GEMIN7: variants seen among roughly 807,000 people sequenced by gnomAD.
GEMIN7 encodes gem-associated protein 7.
A neutral mutation model predicts 7.8 loss-of-function variants in GEMIN7; 7 were observed. The observed-to-expected ratio is 0.90, with a 90% CI of 0.51 to 1.69. GEMIN7 has a LOEUF of 1.69. Among genes scored for constraint, GEMIN7 ranks in the 40% most tolerant of loss-of-function variants. The pLI, the probability that GEMIN7 is intolerant of heterozygous loss-of-function variation, is 0.00. For missense variants in GEMIN7, 159 were observed against 176.2 expected (o/e 0.90, Z 0.55); for synonymous variants, 68 against 72.4 (o/e 0.94, Z 0.31).
At chr19:45,076,536 A>G (rs1278296515), upstream of GEMIN7, 15 of 471,334 alleles carry the variant, frequency 3.2e-5, no homozygotes, top group African/African-American at 8.2e-5. This position sits in a 1 kb window ranked among gnomAD's most constrained non-coding sequence, Gnocchi z 4.9. Context: ...TCCGCCTACC[A>G]GGGCGGGGCT....
chr19:45,091,344 C>T lies in GEMIN7; in HGVS notation c.*834C>T, dbSNP rs1967885743. On this transcript the variant is annotated 3_prime_UTR_variant, in exon 3 of 3. Transcript: ENST00000270257. ...AACTTCACTCCCTCCTCTTTTCTCT[C>T]CAGCCTTGCAGCGTGGCCGTTCACA... is the stretch of plus-strand genomic sequence containing the variant. The T allele has an allele frequency of 6.0e-6, 1 of 167,184 alleles. No individual in the cohort carries two copies. The highest frequency in any genetic ancestry group is 1.5e-5 in the Non-Finnish European group (1 of 68,148). The allele number at this position is 167,184 out of a possible 1,614,324, so 10.4% of individuals were successfully genotyped here. A position where few individuals can be genotyped will look rare whatever the true frequency, so the allele number is the denominator to read the frequency against.
At chr19:45,080,640 A>G (rs1967468157) in intron 2 of GEMIN7, among the ~76,000 whole-genome samples, 1 of 152,022 alleles carries the variant, frequency 6.6e-6, no homozygotes, top group African/African-American at 2.4e-5. Flanking sequence ...CAGTCTCCCA[A>G]AGTGCTGGGA....
At chr19:45,088,879 T>C (rs1186573995) in intron 2 of GEMIN7, among the ~76,000 whole-genome samples, 1 of 152,198 alleles carries the variant, frequency 6.6e-6, no homozygotes, top group African/African-American at 2.4e-5. Flanking sequence ...AATGAATATC[T>C]TATAAGTCTG....
At chr19:45,076,384 CCGGG>C (rs1967352813), upstream of GEMIN7, 2 of 1,289,680 alleles carry the variant, frequency 1.6e-6, no homozygotes, top group Non-Finnish European at 2.0e-6. This position sits in a 1 kb window ranked among gnomAD's most constrained non-coding sequence, Gnocchi z 4.9. Context: ...GAGTCGCGGG[CCGGG>C]CGAGCGAGCG....
At chr19:45,081,030 G>A (rs1401097072) in intron 2 of GEMIN7, among the ~76,000 whole-genome samples, 1 of 152,220 alleles carries the variant, frequency 6.6e-6, no homozygotes, top group East Asian at 1.9e-4. Flanking sequence ...AGTAGGGCGT[G>A]TTGGCGTGGG....
chr19:45,081,403 T>C (rs968115095), intron 2 of GEMIN7, among the ~76,000 whole-genome samples: 4 of 151,090 alleles, frequency 2.6e-5, no homozygotes, highest in African/African-American at 9.7e-5. Flanking sequence ...TTGCAGTGAG[T>C]TGAGATCATG....
At chr19:45,082,530 A>T (rs2122656729) in intron 2 of GEMIN7, among the ~76,000 whole-genome samples, 1 of 152,308 alleles carries the variant, frequency 6.6e-6, no homozygotes, top group East Asian at 1.9e-4. Context: ...TCTCAGTCCT[A>T]GACGTGTTTC....
In GEMIN7 at chr19:45,090,373, CGT is replaced by C; in HGVS notation, c.263_264del (p.Val88GlyfsTer34). The C allele has an allele frequency of 6.2e-7, 1 of 1,614,138 alleles. No individual in the cohort carries two copies. The highest frequency in any genetic ancestry group is 8.5e-7 in the Non-Finnish European group (1 of 1,180,026). On this transcript the variant is annotated frameshift_variant, in exon 3 of 3. Coordinates refer to ENST00000270257, the MANE Select transcript of GEMIN7 (RefSeq NM_024707.3). LOFTEE classifies it high-confidence loss of function. The stretch of plus-strand genomic sequence containing the variant: ...GAGCTTCACGTTGCACGAGGGTGTG[CGT>C]GTGGCCGCCCACTTTGGAGCCACCG... ...QVSFTLHEGV[R>X]VAAHFGATDL...
chr19:45,082,845 T>C (rs1203611127), intron 2 of GEMIN7, among the ~76,000 whole-genome samples: 1 of 149,952 alleles, frequency 6.7e-6, no homozygotes, highest in African/African-American at 2.5e-5. Context: ...GGTCTTGAAC[T>C]CCTACGCTAA....
At chr19:45,085,069 G>A (rs181285783) in intron 2 of GEMIN7, among the ~76,000 whole-genome samples, 153 of 151,604 alleles carry the variant, frequency 1.0e-3, no homozygotes, top group African/African-American at 3.1e-3. Context: ...CACAGTGCCC[G>A]GCCAACACCC....
At chr19:45,082,992 T>C (rs890652571) in intron 2 of GEMIN7, among the ~76,000 whole-genome samples, 1 of 152,162 alleles carries the variant, frequency 6.6e-6, no homozygotes, top group African/African-American at 2.4e-5. Context: ...TAAGGTTTTG[T>C]TGGAGAACAG....
intron 2 of GEMIN7, among the ~76,000 whole-genome samples, chr19:45,085,820 G>A (rs6509186): frequency 0.55 from 81,047 of 146,344 alleles, 23,242 homozygotes; most frequent in African/African-American, 0.67. Context: ...GGTGGTGTGT[G>A]TCTGTAGTCG....
At chr19:45,076,210 T>TCC (rs964010424), upstream of GEMIN7, 1 of 1,503,218 alleles carries the variant, frequency 6.7e-7, no homozygotes, top group Non-Finnish European at 8.9e-7. This position sits in a 1 kb window ranked among gnomAD's most constrained non-coding sequence, Gnocchi z 4.9. Context: ...CGAGGACACC[T>TCC]CCTTCGGGGA....
At chr19:45,075,997 G>A (rs1967339727), upstream of GEMIN7, 28 of 1,568,606 alleles carry the variant, frequency 1.8e-5, no homozygotes, top group Admixed American at 8.0e-5. Flanking sequence ...GGCAGGGCGA[G>A]GGGCCCATGC....
chr19:45,090,295 G>GC lies in GEMIN7; in HGVS notation c.184dup (p.Leu62ProfsTer61), dbSNP rs1568434481. 1 of 1,614,182 alleles carries GC rather than the reference G, an allele frequency of 6.2e-7. No individual in the cohort carries two copies. Reference sequence around the variant, plus strand: ...ATCCCAGGAGCAGCGGGCACGAGCCGCCCTTCGGGAGCGTTACCTCCGCAG... The same window carrying GC: ...ATCCCAGGAGCAGCGGGCACGAGCCGCCCCTTCGGGAGCGTTACCTCCGCAG... On this transcript the variant is annotated frameshift_variant, in exon 3 of 3. Coordinates refer to ENST00000270257, the MANE Select transcript of GEMIN7 (RefSeq NM_024707.3). LOFTEE classifies it high-confidence loss of function.
At chr19:45,086,618 C>T (rs191500875) in intron 2 of GEMIN7, among the ~76,000 whole-genome samples, 8 of 152,262 alleles carry the variant, frequency 5.3e-5, no homozygotes, top group African/African-American at 1.9e-4. Context: ...ACAGATTAGT[C>T]AAGCCATTTA....
upstream of GEMIN7, chr19:45,075,908 G>A: frequency 6.2e-7 from 1 of 1,608,816 alleles, no homozygotes; most frequent in Non-Finnish European, 8.5e-7. Flanking sequence ...GGCCAGGATG[G>A]GGGCTGAGGG....
upstream of GEMIN7, among the ~76,000 whole-genome samples, chr19:45,077,532 A>G (rs369668966): frequency 9.9e-5 from 15 of 151,890 alleles, no homozygotes; most frequent in Admixed American, 2.0e-4. Flanking sequence ...CCCCCACCCA[A>G]TGCAAGCCCC....
chr19:45,082,831 G>A (rs1481361405), intron 2 of GEMIN7, among the ~76,000 whole-genome samples: 1 of 145,388 alleles, frequency 6.9e-6, no homozygotes, highest in Non-Finnish European at 1.5e-5. Context: ...ATATTGCTCA[G>A]GCTGGTCTTG....
Sources: allele counts gnomAD v4.1 joint callset (sites outside exome capture counted in the v4.1 genomes callset), GRCh38; gene constraint gnomAD v4.1.1; non-coding constraint Gnocchi (gnomAD v3.1); transcripts MANE v1.5; gene names NCBI Gene and HGNC (gene_info 2026-07-23, HGNC 2026-07-21).